The following ZBTB43 variants were observed in gnomAD, a reference collection of about 807,000 sequenced individuals.
ZBTB43 encodes zinc finger and BTB domain-containing protein 43.
A neutral mutation model predicts 31.1 loss-of-function variants in ZBTB43; 6 were observed. The ratio of observed to expected loss-of-function variants is 0.19; its 90% CI spans 0.11 to 0.38. The LOEUF (loss-of-function observed/expected upper bound fraction) is 0.38, where lower values mean the gene tolerates loss of function less well. Among genes scored for constraint, ZBTB43 ranks in the 10% least tolerant of loss-of-function variants. The probability of loss-of-function intolerance (pLI) is 1.00; values close to 1 mark genes in which losing one functional copy is unlikely to be tolerated. For synonymous variants in ZBTB43, 212 were observed against 221.7 expected, an observed-to-expected ratio of 0.96 and a Z score of 0.39; for missense variants, 379 against 602.1, an observed-to-expected ratio of 0.63 and a Z score of 3.88.
At position 126,833,140 on chromosome 9, in the gene ZBTB43, G is replaced by A. The variant is rs749278622; in HGVS notation, c.631G>A (p.Ala211Thr). ...GCATGACCGCCTGAGCACGGAAATG[G>A]CAAGCCAGGATGGGGAGGAGGGCGC... is the stretch of plus-strand genomic sequence containing the variant. ...TEHDRLSTEM[A>T]SQDGEEGASD... is the part of the protein sequence containing the mutation. Residue 211 changes from alanine (A) to threonine (T), a missense_variant, in exon 3 of 3, where the codon GCA (alanine) becomes ACA (threonine). Physicochemically the swap from Ala to Thr is moderately conservative, Grantham distance 58 (BLOSUM62 0). Around this residue, in one of 5 missense-constraint regions of ZBTB43, gnomAD observed 253 missense variants for 322.3 expected, o/e 0.79. Transcript: ENST00000373464. This position sits in a 1 kb window ranked among gnomAD's most constrained non-coding sequence, Gnocchi z 7.9. The A allele has an allele frequency of 6.2e-7, 1 of 1,613,820 alleles. No individual in the cohort carries two copies. The highest frequency in any genetic ancestry group is 8.5e-7 in the Non-Finnish European group (1 of 1,180,038).
At chr9:126,832,248 G>C (rs1469176083) in intron 2 of ZBTB43, 1 of 480,026 alleles carries the variant, frequency 2.1e-6, no homozygotes, top group Non-Finnish European at 3.7e-6. Flanking sequence ...TATGGATTCA[G>C]TTCTCTTACC....
At position 126,830,729 on chromosome 9, in the gene ZBTB43, G is replaced by A. The variant is rs115387286; in HGVS notation, c.-23-1758G>A. On this transcript the variant is annotated intron_variant, in intron 2 of 2. Transcript: ENST00000373464. Reference sequence around the variant, plus strand: ...AAGGTGACATATGCAGTAATAAATCGTTTGGGTGGTTTTTTTTTTTTTGCT... The same window carrying A: ...AAGGTGACATATGCAGTAATAAATCATTTGGGTGGTTTTTTTTTTTTTGCT... 7.4e-3 allele frequency among the ~76,000 whole-genome samples: 1,114 copies of A among 150,820 alleles called. 9 individuals are homozygous for A. The highest frequency in any genetic ancestry group is 0.026 in the African/African-American group (1,051 of 40,870).
In ZBTB43 at chr9:126,835,512, T is replaced by C; in HGVS notation, c.*1599T>C. On this transcript the variant is annotated 3_prime_UTR_variant, in exon 3 of 3. Coordinates refer to ENST00000373464, the MANE Select transcript of ZBTB43 (RefSeq NM_014007.4). ...TGAAAAGTTTGGCTTTGCTGTAATG[T>C]AATAGACATTGCTGGCAATGGCCTC... 3 of 167,152 alleles carry C rather than the reference T, an allele frequency of 1.8e-5. No individual in the cohort carries two copies. 10.4% of individuals were successfully genotyped at this position (167,152 alleles called of 1,614,324 possible). A position where few individuals can be genotyped will look rare whatever the true frequency, so the allele number is the denominator to read the frequency against.
intron 2 of ZBTB43, among the ~76,000 whole-genome samples, chr9:126,809,845 T>C (rs2119108321): frequency 6.6e-6 from 1 of 152,196 alleles, no homozygotes; most frequent in Admixed American, 6.5e-5. Flanking sequence ...CTGGTATCTT[T>C]TTTTTTTTGA....
chr9:126,832,164 G>A, intron 2 of ZBTB43: 1 of 219,260 alleles, frequency 4.6e-6, no homozygotes, highest in Non-Finnish European at 9.1e-6. Flanking sequence ...TGGGTATCTT[G>A]TTTGTTTTAA....
intron 2 of ZBTB43, among the ~76,000 whole-genome samples, chr9:126,809,283 A>T (rs1335385963): frequency 2.0e-5 from 3 of 152,234 alleles, no homozygotes; most frequent in African/African-American, 7.2e-5. Flanking sequence ...ATGCAATGAT[A>T]CGGGAGTGTT....
chr9:126,826,165 C>G (rs528851047), intron 2 of ZBTB43, among the ~76,000 whole-genome samples: 3 of 151,972 alleles, frequency 2.0e-5, no homozygotes, highest in South Asian at 4.2e-4. Flanking sequence ...AGGCGCCCAC[C>G]ACCACGCCCA....
chr9:126,833,355 G>A lies in ZBTB43; in HGVS notation c.846G>A (p.Val282=). ...ACACCGTGCAGACAGAGCACACGGT[G>A]CAGCCTTCGGGAGTGGAGGAGGACT... ...SINTVQTEHT[V]QPSGVEEDFH... The change falls in exon 3 of 3, where the codon GTG becomes GTA. Residue 282 remains valine (V), a synonymous_variant. Transcript: ENST00000373464. This position sits in a 1 kb window ranked among gnomAD's most constrained non-coding sequence, Gnocchi z 7.9. 1 of 1,613,104 alleles carries A rather than the reference G, an allele frequency of 6.2e-7. No individual in the cohort carries two copies. The highest frequency in any genetic ancestry group is 8.5e-7 in the Non-Finnish European group (1 of 1,179,568).
At chr9:126,810,395 T>TG (rs763240715) in intron 2 of ZBTB43, among the ~76,000 whole-genome samples, 1 of 151,700 alleles carries the variant, frequency 6.6e-6, no homozygotes, top group South Asian at 2.1e-4. Context: ...GGTTTCGCCT[T>TG]CTTGGCCAGG....
intron 2 of ZBTB43, among the ~76,000 whole-genome samples, chr9:126,823,207 T>C (rs1057132945): frequency 5.3e-5 from 8 of 152,228 alleles, no homozygotes; most frequent in African/African-American, 1.9e-4. Context: ...AGTGGGGTAT[T>C]GGAGTCTCCA....
intron 2 of ZBTB43, among the ~76,000 whole-genome samples, chr9:126,827,282 A>G (rs2032662676): frequency 6.6e-6 from 1 of 152,210 alleles, no homozygotes; most frequent in African/African-American, 2.4e-5. Context: ...GCCACCAGGG[A>G]AACCACTGCA....
At chr9:126,824,064 T>C (rs570985873) in intron 2 of ZBTB43, among the ~76,000 whole-genome samples, 1 of 152,264 alleles carries the variant, frequency 6.6e-6, no homozygotes, top group East Asian at 1.9e-4. Context: ...TCTCACTCTG[T>C]TGCCCAGGCT....
chr9:126,825,840 A>ATTTTT (rs1392282943), intron 2 of ZBTB43, among the ~76,000 whole-genome samples: 1 of 106,144 alleles, frequency 9.4e-6, no homozygotes, highest in Admixed American at 1.0e-4. Flanking sequence ...GTTCCTTTTT[A>ATTTTT]TATTTTTTTT....
At chr9:126,822,919 G>A (rs1462681662) in intron 2 of ZBTB43, among the ~76,000 whole-genome samples, 1 of 93,710 alleles carries the variant, frequency 1.1e-5, no homozygotes, top group Non-Finnish European at 2.5e-5. Context: ...TTTAAATTAA[G>A]GTGAGTACTT....
rs752784579 is a variant in ZBTB43 at position 126,833,254 on chromosome 9, G to A, written c.745G>A (p.Glu249Lys). The part of the protein sequence containing the change: ...AHKRWIHVKP[E>K]RLEQACEGMD... Reference sequence around the variant, plus strand: ...CAAACGCTGGATCCACGTGAAGCCCGAGCGCTTAGAACAGGCTTGCGAGGG... The same window carrying A: ...CAAACGCTGGATCCACGTGAAGCCCAAGCGCTTAGAACAGGCTTGCGAGGG... The change falls in exon 3 of 3, where the codon GAG becomes AAG. Residue 249 changes from glutamate to lysine, a missense_variant. By Grantham distance (56) the Glu-to-Lys change is moderately conservative. This residue lies in a region of ZBTB43 where 253 missense variants were observed against 322.3 expected (regional missense o/e 0.79). Coordinates refer to ENST00000373464, the MANE Select transcript of ZBTB43 (RefSeq NM_014007.4). This position sits in a 1 kb window ranked among gnomAD's most constrained non-coding sequence, Gnocchi z 7.9. 25 of 1,613,504 alleles carry A rather than the reference G, an allele frequency of 1.5e-5. No homozygotes were observed. Among genetic ancestry groups the A allele is most frequent in the African/African-American group, 4.0e-5 (3 of 74,912 alleles).
upstream of ZBTB43, among the ~76,000 whole-genome samples, chr9:126,804,471 GTT>G (rs61669496): frequency 6.6e-6 from 1 of 151,248 alleles, no homozygotes; most frequent in Non-Finnish European, 1.5e-5. Flanking sequence ...AGGTCAAGGT[GTT>G]TTTGTTTGTT....
intron 2 of ZBTB43, among the ~76,000 whole-genome samples, chr9:126,825,842 A>ATTTTTTTTTTTTTTTTTT (rs72512629): frequency 1.1e-5 from 1 of 91,202 alleles, no homozygotes; most frequent in Non-Finnish European, 2.3e-5. Context: ...TCCTTTTTAT[A>ATTTTTTTTTTTTTTTTTT]TTTTTTTTTT....
chr9:126,811,092 C>T (rs372242317), intron 2 of ZBTB43, among the ~76,000 whole-genome samples: 4 of 151,674 alleles, frequency 2.6e-5, no homozygotes, highest in African/African-American at 9.7e-5. Context: ...CGTGGTGTCA[C>T]GCACCTGTGG....
At position 126,834,162 on chromosome 9, in the gene ZBTB43, A is replaced by G; in HGVS notation, c.*249A>G. ...ACCCACCGCCCAGCTGGCAAGGGAA[A>G]CCTTCTGACTGGTTGTGATCGAAAC... On this transcript the variant is annotated 3_prime_UTR_variant, in exon 3 of 3. Transcript: ENST00000373464. 1 of 379,858 alleles carries G rather than the reference A, an allele frequency of 2.6e-6. No individual in the cohort carries two copies. 23.5% of individuals were successfully genotyped at this position (379,858 alleles called of 1,614,324 possible). A position where few individuals can be genotyped will look rare whatever the true frequency, so the allele number is the denominator to read the frequency against.
Sources: allele counts gnomAD v4.1 joint callset (sites outside exome capture counted in the v4.1 genomes callset), GRCh38; gene constraint gnomAD v4.1.1; regional missense constraint gnomAD v4.1.1; non-coding constraint Gnocchi (gnomAD v3.1); transcripts MANE v1.5; gene names NCBI Gene and HGNC (gene_info 2026-07-23, HGNC 2026-07-21).